Variants in PARP6 observed in about 807,000 individuals in gnomAD.
PARP6 encodes poly(ADP-ribose) polymerase family member 6.
Under a neutral mutation model 92.0 loss-of-function variants are expected in PARP6, and 27 were observed. That is an observed-to-expected ratio of 0.29 (90% CI 0.22 to 0.40). The LOEUF is 0.40. PARP6 is among the 10% of genes least tolerant of loss of function. PARP6 has a pLI of 1.00. For synonymous variants in PARP6, 272 were observed against 281.2 expected (o/e 0.97, Z 0.33); for missense variants, 501 against 784.5 (o/e 0.64, Z 4.32).
intron 15 of PARP6, chr15:72,253,960 G>T: frequency 2.2e-6 from 1 of 450,684 alleles, no homozygotes; most frequent in Non-Finnish European, 4.4e-6. Context: ...CTGTAAATGA[G>T]TACAAATGAA....
chr15:72,253,894 T>G, intron 15 of PARP6: 1 of 439,802 alleles, frequency 2.3e-6, no homozygotes, highest in Non-Finnish European at 4.5e-6. Context: ...CTCCTAGGTG[T>G]ATCTTATGTG....
In PARP6 at chr15:72,257,537, G is replaced by C. The variant is rs561714891; in HGVS notation, c.907-97C>G. 1.4e-5 allele frequency: 13 copies of C among 942,580 alleles called. No homozygotes were observed. The Admixed American group carries it at 2.0e-4, about 15-fold the overall frequency. 58.4% of individuals were successfully genotyped at this position (942,580 alleles called of 1,614,324 possible). A position where few individuals can be genotyped will look rare whatever the true frequency, so the allele number is the denominator to read the frequency against. On this transcript the variant is annotated intron_variant, in intron 12 of 23. Coordinates refer to ENST00000569795, the MANE Select transcript of PARP6 (RefSeq NM_001323532.2). ...CTAACCTCAGACAACTCTAAAACAG[G>C]GTAGGAATTTGAGGCCCTCTATATC...
At chr15:72,246,929 T>G (rs1750415681) in intron 20 of PARP6, among the ~76,000 whole-genome samples, 1 of 152,074 alleles carries the variant, frequency 6.6e-6, no homozygotes, top group South Asian at 2.1e-4. Context: ...TAATTTTCTT[T>G]GTATTTTTAG....
chr15:72,246,101 A>T (rs190456269), intron 20 of PARP6, among the ~76,000 whole-genome samples: 211 of 152,366 alleles, frequency 1.4e-3, no homozygotes, highest in African/African-American at 4.4e-3. Context: ...TGTGTTGGTC[A>T]CTTGCCCTGT....
rs2087593158 is a variant in PARP6, at chr15:72,272,478, A to C, written c.-545T>G. The C allele has an allele frequency of 6.6e-6, 1 of 151,720 alleles. No homozygotes were observed. Among genetic ancestry groups the C allele is most frequent in the South Asian group, 2.1e-4 (1 of 4,832 alleles). 9.4% of individuals were successfully genotyped at this position (151,720 alleles called of 1,614,324 possible). ...GCCCTGTGCCCGTGGTGGCGGCCAC[A>C]CAGGCCAGCCTGGCGAGTACTCACG... On this transcript the variant is annotated 5_prime_UTR_variant, in exon 1 of 24. Transcript: ENST00000569795.
At chr15:72,254,392 CA>C in intron 15 of PARP6, 62 bp downstream of exon 15, 1 of 1,187,966 alleles carries the variant, frequency 8.4e-7, no homozygotes, top group Non-Finnish European at 1.2e-6. Context: ...CACAAATTAC[CA>C]ACAGAATAGG....
chr15:72,258,890 A>G (rs2085481559), intron 11 of PARP6, among the ~76,000 whole-genome samples: 1 of 152,246 alleles, frequency 6.6e-6, no homozygotes, highest in South Asian at 2.1e-4. Context: ...TTATGTACCC[A>G]GCTCTGTGAA....
intron 8 of PARP6, among the ~76,000 whole-genome samples, chr15:72,262,887 G>A (rs1055308914): frequency 6.6e-6 from 1 of 152,104 alleles, no homozygotes; most frequent in Non-Finnish European, 1.5e-5. Context: ...TTTTGTCCTT[G>A]ATCCTATCTT....
chr15:72,256,716 A>G (rs2085187070), intron 13 of PARP6, 126 bp from the exon 14 acceptor site: 1 of 742,716 alleles, frequency 1.3e-6, no homozygotes, highest in Non-Finnish European at 1.9e-6. Context: ...TTCAAAATAG[A>G]AAATACAAGC....
At chr15:72,265,858 G>A (rs765456279) in intron 5 of PARP6, 39 bp downstream of exon 5, 1 of 1,351,020 alleles carries the variant, frequency 7.4e-7, no homozygotes, top group Non-Finnish European at 1.1e-6. Flanking sequence ...TCAGAAAGAA[G>A]TGACTTGCTC....
chr15:72,260,937 T>C (rs771047897), intron 9 of PARP6, among the ~76,000 whole-genome samples: 8 of 152,234 alleles, frequency 5.3e-5, no homozygotes, highest in South Asian at 2.1e-4. Flanking sequence ...AGGCAGAGGA[T>C]AGGTTATTAT....
chr15:72,265,516 G>T, intron 5 of PARP6, 43 bp from the exon 6 acceptor site: 1 of 1,431,096 alleles, frequency 7.0e-7, no homozygotes, highest in Non-Finnish European at 9.9e-7. Context: ...CATTAAGGGA[G>T]AAAGAAGGGA....
Position 72,242,708 on chromosome 15 carries a change from GAAC to G in PARP6, c.1562-12_1562-10del, listed in dbSNP as rs778381236. ...CTGTCCTTTTCCCATTCCTGTCACA[GAAC>G]AATACACCCACTTCATTTATCAAAA... On this transcript the variant is annotated splice_polypyrimidine_tract_variant and intron_variant, in intron 20 of 23. Transcript: ENST00000569795. This position sits in a 1 kb window ranked among gnomAD's most constrained non-coding sequence, Gnocchi z 4.3. The G allele has an allele frequency of 3.6e-5, 58 of 1,589,790 alleles. No homozygotes were observed. The highest frequency in any genetic ancestry group is 5.0e-5 in the Non-Finnish European group (58 of 1,162,740).
intron 2 of PARP6, among the ~76,000 whole-genome samples, chr15:72,270,267 CAT>C (rs1491229362): frequency 7.0e-6 from 1 of 142,536 alleles, no homozygotes; most frequent in Admixed American, 7.3e-5. Context: ...CTGGCACACA[CAT>C]AAAAAAAGGA....
chr15:72,248,595 T>TG (rs1164585279), intron 20 of PARP6, among the ~76,000 whole-genome samples: 2 of 152,164 alleles, frequency 1.3e-5, no homozygotes, highest in Non-Finnish European at 1.5e-5. Context: ...GACTATACCT[T>TG]GTACAGAGAC....
intron 2 of PARP6, among the ~76,000 whole-genome samples, chr15:72,270,461 A>T (rs146054830): frequency 7.2e-5 from 11 of 152,290 alleles, no homozygotes; most frequent in Admixed American, 5.9e-4. Context: ...GCTGTCCTCA[A>T]AGTCAAGTCT....
chr15:72,250,324 C>T, intron 18 of PARP6: 1 of 453,940 alleles, frequency 2.2e-6, no homozygotes. Flanking sequence ...CAGCTACTCC[C>T]ATCCTAAATC....
At chr15:72,272,293 G>A (rs1462523051) in intron 1 of PARP6, 100 bp downstream of exon 1, 1 of 152,646 alleles carries the variant, frequency 6.6e-6, no homozygotes, top group Non-Finnish European at 1.5e-5. Flanking sequence ...CCCCAGGAAA[G>A]ACGCTCTGGG....
In PARP6 at chr15:72,265,080, C is replaced by T; in HGVS notation, c.328+1G>A. On this transcript the variant is annotated splice_donor_variant, in intron 7 of 23. Coordinates refer to ENST00000569795, the MANE Select transcript of PARP6 (RefSeq NM_001323532.2). LOFTEE classifies it high-confidence loss of function. Reference sequence around the variant, plus strand: ...CACTTGCCCAAAGTCACTGCCTTTACCTGGTCCATCTAGGTACTGGGAGAG... The same window carrying T: ...CACTTGCCCAAAGTCACTGCCTTTATCTGGTCCATCTAGGTACTGGGAGAG... 1 of 1,607,214 alleles carries T rather than the reference C, an allele frequency of 6.2e-7. No individual in the cohort carries two copies.
Sources: gnomAD v4.1 joint callset for allele counts (sites outside exome capture counted in the v4.1 genomes callset) on GRCh38, gnomAD v4.1.1 for gene constraint, Gnocchi (gnomAD v3.1) non-coding constraint, MANE v1.5 for transcripts, NCBI Gene and HGNC (gene_info 2026-07-23, HGNC 2026-07-21) for gene names.